L3MBTL4: variants seen among roughly 807,000 people sequenced by gnomAD.
The protein encoded by L3MBTL4 is L3MBTL histone methyl-lysine binding protein 4.
A neutral mutation model predicts 84.5 loss-of-function variants in L3MBTL4; 70 were observed. The observed-to-expected ratio is 0.83, with a 90% confidence interval of 0.68 to 1.01. The LOEUF (loss-of-function observed/expected upper bound fraction) is 1.01. Among genes scored for constraint, L3MBTL4 ranks in the 50% least tolerant of loss-of-function variants. The probability of loss-of-function intolerance (pLI) is 0.00; values close to 1 mark genes in which losing one functional copy is unlikely to be tolerated. For missense variants in L3MBTL4, 715 were observed against 754.8 expected, an observed-to-expected ratio of 0.95 and a Z score of 0.62; for synonymous variants, 274 against 259.8, an observed-to-expected ratio of 1.05 and a Z score of -0.52.
chr18:6,290,169 A>T (rs867044231), intron 4 of L3MBTL4, among the ~76,000 whole-genome samples: 2 of 152,034 alleles, frequency 1.3e-5, no homozygotes, highest in African/African-American at 4.8e-5. Context: ...TACCACCTGG[A>T]TCTCCCAAAG....
intron 16 of L3MBTL4, among the ~76,000 whole-genome samples, chr18:6,062,249 T>C (rs1414124539): frequency 6.6e-6 from 1 of 151,958 alleles, no homozygotes; most frequent in Non-Finnish European, 1.5e-5. Flanking sequence ...TTTTACCGCA[T>C]ACAGAATTAT....
At chr18:6,324,766 G>A (rs548109092) in intron 1 of L3MBTL4, among the ~76,000 whole-genome samples, 7 of 152,258 alleles carry the variant, frequency 4.6e-5, no homozygotes, top group African/African-American at 1.4e-4. Context: ...GCCCAATCAT[G>A]AGTGGCCTAA....
At chr18:6,172,627 T>C (rs892839456) in intron 12 of L3MBTL4, among the ~76,000 whole-genome samples, 1 of 152,164 alleles carries the variant, frequency 6.6e-6, no homozygotes, top group Non-Finnish European at 1.5e-5. Context: ...AAGGATAATT[T>C]ATCTTGCATC....
At chr18:6,051,185 C>T (rs2056825411) in intron 16 of L3MBTL4, among the ~76,000 whole-genome samples, 1 of 152,200 alleles carries the variant, frequency 6.6e-6, no homozygotes, top group Non-Finnish European at 1.5e-5. Context: ...ATTCTGCCGA[C>T]TCTGGGGCAA....
intron 12 of L3MBTL4, among the ~76,000 whole-genome samples, chr18:6,184,445 A>G (rs957906268): frequency 6.6e-6 from 1 of 152,248 alleles, no homozygotes; most frequent in African/African-American, 2.4e-5. Flanking sequence ...TTATATAAAC[A>G]CTACCAAACA....
At chr18:6,097,769 G>A (rs1210027137) in intron 14 of L3MBTL4, among the ~76,000 whole-genome samples, 1 of 152,182 alleles carries the variant, frequency 6.6e-6, no homozygotes, top group African/African-American at 2.4e-5. Context: ...GTTTCTAAAT[G>A]TCTTGCCCTC....
chr18:6,271,347 C>G (rs1222825880), intron 4 of L3MBTL4, among the ~76,000 whole-genome samples: 2 of 151,958 alleles, frequency 1.3e-5, no homozygotes, highest in Non-Finnish European at 2.9e-5. Context: ...TTTGTACACA[C>G]TAAAGTAACA....
intron 14 of L3MBTL4, among the ~76,000 whole-genome samples, chr18:6,101,668 T>G (rs2058834298): frequency 6.6e-6 from 1 of 152,244 alleles, no homozygotes; most frequent in African/African-American, 2.4e-5. Flanking sequence ...TCCACTCATG[T>G]GTCAGTCTAA....
At position 6,215,766 on chromosome 18, in the gene L3MBTL4, G is replaced by A; in HGVS notation, c.854C>T (p.Ala285Val). The change falls in exon 11 of 19, where the codon GCC (alanine) becomes GTC (valine). Residue 285 changes from alanine (A) to valine (V), a missense_variant. Physicochemically the swap from Ala to Val is moderately conservative, Grantham distance 64. Transcript: ENST00000317931. ...LEATQTNAVPAKVFKMRLPHG... is the reference protein window; with the variant it reads ...LEATQTNAVPVKVFKMRLPHG... ...AGAACTTACCATTTTAAAAACTTTG[G>A]CAGGAACTGCATTGGTTTGAGTAGC... 1 of 1,602,652 alleles carries A rather than the reference G, an allele frequency of 6.2e-7. No individual in the cohort carries two copies. Among genetic ancestry groups the A allele is most frequent in the Non-Finnish European group, 8.5e-7 (1 of 1,174,952 alleles).
chr18:6,261,931 C>A (rs554779644), intron 5 of L3MBTL4, among the ~76,000 whole-genome samples: 51 of 152,302 alleles, frequency 3.3e-4, no homozygotes, highest in Non-Finnish European at 6.2e-4. Flanking sequence ...ACACTTCACC[C>A]TTAACACCCA....
Position 6,163,259 on chromosome 18 carries a change from T to TG in L3MBTL4, c.1096+8568dup, listed in dbSNP as rs71163263. On this transcript the variant is annotated intron_variant, in intron 13 of 18. Coordinates refer to ENST00000317931, the MANE Select transcript of L3MBTL4 (RefSeq NM_001330559.2). ...GTGTTTGTCTACGGGTGTGTGTGTG[T>TG]GGGGGGGGGGTGGGTGTGTGTGTGT... 7.4e-3 allele frequency among the ~76,000 whole-genome samples: 426 copies of TG among 57,356 alleles called. 6 individuals carry two copies. The highest frequency in any genetic ancestry group is 0.058 in the Middle Eastern group (5 of 86). The allele number at this position is 57,356 out of a possible 152,430, so 37.6% of individuals were successfully genotyped here. A position where few individuals can be genotyped will look rare whatever the true frequency, so the allele number is the denominator to read the frequency against.
chr18:6,210,687 T>A lies in L3MBTL4; in HGVS notation c.981+2462A>T, dbSNP rs373291776. Among the ~76,000 whole-genome samples the A allele has an allele frequency of 1.3e-3, 200 of 152,282 alleles. 2 individuals are homozygous for A. Among genetic ancestry groups the A allele is most frequent in the African/African-American group, 4.7e-3 (194 of 41,564 alleles). ...ACCATAGGCATTGTTGAAAATGTAG[T>A]TCTCATTGTTAGAACAGGCTGACTC... On this transcript the variant is annotated intron_variant, in intron 12 of 18. Coordinates refer to ENST00000317931, the MANE Select transcript of L3MBTL4 (RefSeq NM_001330559.2).
rs868553217 is a variant in L3MBTL4 at position 6,112,420 on chromosome 18, T to G, written c.1200-18892A>C. Among the ~76,000 whole-genome samples, 4 of 152,276 alleles carry G rather than the reference T, an allele frequency of 2.6e-5. No homozygotes were observed. In the Middle Eastern group the frequency reaches 0.014, roughly 518 times the overall value. On this transcript the variant is annotated intron_variant, in intron 14 of 18. Coordinates refer to ENST00000317931, the MANE Select transcript of L3MBTL4 (RefSeq NM_001330559.2). ...ACTGGGAAAGCGGATAAGCATGTCT[T>G]TAGGTATTAAAATTGAGTGCATCAC...
At chr18:6,194,871 C>T (rs1037654856) in intron 12 of L3MBTL4, among the ~76,000 whole-genome samples, 1 of 152,220 alleles carries the variant, frequency 6.6e-6, no homozygotes. Context: ...AGAAGGAATG[C>T]CATTGCCAAG....
intron 16 of L3MBTL4, among the ~76,000 whole-genome samples, chr18:6,027,516 T>C (rs528146372): frequency 9.8e-5 from 15 of 152,370 alleles, no homozygotes; most frequent in African/African-American, 3.4e-4. Context: ...TGTGTCTTTA[T>C]GGTAGAATGA....
intron 16 of L3MBTL4, among the ~76,000 whole-genome samples, chr18:6,002,902 A>C (rs2054275507): frequency 6.6e-6 from 1 of 151,706 alleles, no homozygotes; most frequent in African/African-American, 2.4e-5. Flanking sequence ...AAAGATTGGC[A>C]GAGTGGATAA....
At chr18:6,173,050 C>G (rs1003164633) in intron 12 of L3MBTL4, among the ~76,000 whole-genome samples, 1 of 152,186 alleles carries the variant, frequency 6.6e-6, no homozygotes, top group Non-Finnish European at 1.5e-5. Context: ...CCACCTCAAC[C>G]CTACTGAATC....
Position 6,239,809 on chromosome 18 carries a change from G to T in L3MBTL4, c.616C>A (p.Pro206Thr), listed in dbSNP as rs377764109. The change falls in exon 9 of 19, where the codon CCT (proline) becomes ACT (threonine). Residue 206 changes from proline (P) to threonine (T), a missense_variant. Pro to Thr is a conservative substitution (Grantham distance 38). Coordinates refer to ENST00000317931, the MANE Select transcript of L3MBTL4 (RefSeq NM_001330559.2). The part of the protein sequence containing the change: ...MKLEAVDRKN[P>T]SLVCVATIAD... The stretch of plus-strand genomic sequence containing the variant: ...ATGGTCGCCACACACACCAAGGAAG[G>T]GTTCTTCCTGTCCACGGCCTCCAGC... The T allele has an allele frequency of 2.8e-5, 45 of 1,613,830 alleles. No individual in the cohort carries two copies. The highest frequency in any genetic ancestry group is 3.6e-5 in the Non-Finnish European group (43 of 1,179,864).
chr18:6,199,761 G>C (rs73383981), intron 12 of L3MBTL4, among the ~76,000 whole-genome samples: 9 of 152,162 alleles, frequency 5.9e-5, no homozygotes, highest in Non-Finnish European at 1.0e-4. Context: ...TGTAGTTTAC[G>C]GAGGCAGCTG....
Sources: gnomAD v4.1 joint callset for allele counts (sites outside exome capture counted in the v4.1 genomes callset) on GRCh38, gnomAD v4.1.1 for gene constraint, MANE v1.5 for transcripts, NCBI Gene and HGNC (gene_info 2026-07-23, HGNC 2026-07-21) for gene names.